Variants in PHTF1 observed in about 807,000 individuals in gnomAD.
PHTF1 encodes protein PHTF1.
A neutral mutation model predicts 102.4 loss-of-function variants in PHTF1; 88 were observed. The observed-to-expected ratio is 0.86, with a 90% CI of 0.72 to 1.03. The LOEUF is 1.03. Ranked by LOEUF, PHTF1 falls within the 50% of genes least tolerant of loss-of-function variation. The probability of loss-of-function intolerance (pLI) is 0.00; values close to 1 mark genes in which losing one functional copy is unlikely to be tolerated. For synonymous variants in PHTF1, 289 were observed against 305.2 expected, an observed-to-expected ratio of 0.95 and a Z score of 0.55; for missense variants, 814 against 909.5, an observed-to-expected ratio of 0.89 and a Z score of 1.35.
intron 7 of PHTF1, among the ~76,000 whole-genome samples, chr1:113,717,881 T>A (rs1037708470): frequency 1.3e-5 from 2 of 152,102 alleles, no homozygotes; most frequent in Non-Finnish European, 2.9e-5. Flanking sequence ...GGAGATACAA[T>A]TCAAGTTGAG....
chr1:113,697,701 C>T lies in PHTF1; in HGVS notation c.*4G>A. The T allele has an allele frequency of 6.3e-7, 1 of 1,576,576 alleles. No individual in the cohort carries two copies. The highest frequency in any genetic ancestry group is 8.7e-7 in the Non-Finnish European group (1 of 1,148,392). ...CCAGGGGAGAGTCCAGGCATTTACTCAGCTTATGATTTAATTTTCCACAGC... is the reference window on the plus strand; with the variant it reads ...CCAGGGGAGAGTCCAGGCATTTACTTAGCTTATGATTTAATTTTCCACAGC... On this transcript the variant is annotated 3_prime_UTR_variant, in exon 19 of 19. Coordinates refer to ENST00000369604, the MANE Select transcript of PHTF1 (RefSeq NM_001323043.2).
intron 7 of PHTF1, among the ~76,000 whole-genome samples, chr1:113,719,002 CTTT>C (rs879612768): frequency 6.8e-6 from 1 of 147,310 alleles, no homozygotes; most frequent in Non-Finnish European, 1.5e-5. Context: ...TTCTTTTCTT[CTTT>C]TTTTTTTTCT....
At position 113,699,749 on chromosome 1, in the gene PHTF1, A is replaced by T. The variant is rs1268425268; in HGVS notation, c.2097T>A (p.Leu699=). Residue 699 remains leucine (L), a synonymous_variant, in exon 17 of 19, where the codon CTT becomes CTA. Coordinates refer to ENST00000369604, the MANE Select transcript of PHTF1 (RefSeq NM_001323043.2). ...GCTTTAATACATTGTTTACTAGAGT[A>T]AGCTGTTCTTTCTTATTTGGCTTTT... ...MEKKPNKKEQ[L]TLVNNVLKLS... The T allele has an allele frequency of 1.6e-5, 24 of 1,472,280 alleles. No homozygotes were observed. In the Admixed American group the frequency reaches 4.3e-4, roughly 27 times the overall value. The allele number at this position is 1,472,280 out of a possible 1,614,324, so 91.2% of individuals were successfully genotyped here.
rs780722282 is a variant in PHTF1 at position 113,706,590 on chromosome 1, T to G, written c.1398+4A>C. The G allele has an allele frequency of 1.9e-6, 3 of 1,601,632 alleles. No individual in the cohort carries two copies. Among genetic ancestry groups the G allele is most frequent in the Non-Finnish European group, 2.6e-6 (3 of 1,176,368 alleles). ...GAAAAATCTGAAAACATATTCAGTCTTACCCTGCTCATGATGATGCCACTT... is the reference window on the plus strand; with the variant it reads ...GAAAAATCTGAAAACATATTCAGTCGTACCCTGCTCATGATGATGCCACTT... On this transcript the variant is annotated splice_donor_region_variant and intron_variant, in intron 12 of 18. Coordinates refer to ENST00000369604, the MANE Select transcript of PHTF1 (RefSeq NM_001323043.2).
At chr1:113,757,059 C>T (rs1658996156) in intron 3 of PHTF1, among the ~76,000 whole-genome samples, 1 of 152,090 alleles carries the variant, frequency 6.6e-6, no homozygotes. Flanking sequence ...CCCAGCTACT[C>T]TGGAGGTTGA....
chr1:113,739,600 C>T (rs1317934814), intron 3 of PHTF1, among the ~76,000 whole-genome samples: 2 of 152,228 alleles, frequency 1.3e-5, no homozygotes, highest in African/African-American at 4.8e-5. Flanking sequence ...AAAATCCACC[C>T]TGCTAGGTAT....
intron 17 of PHTF1, among the ~76,000 whole-genome samples, chr1:113,698,597 A>G (rs2101065829): frequency 6.9e-6 from 1 of 144,946 alleles, no homozygotes; most frequent in East Asian, 2.1e-4. Context: ...GCAATATGTC[A>G]TTTGTAGTTT....
chr1:113,719,640 T>C (rs1439335486), intron 7 of PHTF1, among the ~76,000 whole-genome samples: 3 of 152,206 alleles, frequency 2.0e-5, no homozygotes, highest in Admixed American at 6.5e-5. Context: ...GTCAAAGCCA[T>C]TCAACAAATC....
chr1:113,712,031 A>T lies in PHTF1; in HGVS notation c.866T>A (p.Leu289Ter). 4.3e-6 allele frequency: 7 copies of T among 1,613,890 alleles called. No homozygotes were observed. In the Middle Eastern group the frequency reaches 8.2e-4, roughly 190 times the overall value. ...EDGEARTQMILLRRSVEGASS... is the reference protein window; with the variant it reads ...EDGEARTQMI ...GGCCCCTTCCACACTCCTACGCAATAATATCATCTGTGTCCGTGCTTCACC... is the reference window on the plus strand; with the variant it reads ...GGCCCCTTCCACACTCCTACGCAATTATATCATCTGTGTCCGTGCTTCACC... Residue 289 changes from leucine (L) to a stop codon, truncating the protein, a stop_gained, in exon 9 of 19, where the codon TTA (leucine) becomes TAA (stop). Coordinates refer to ENST00000369604, the MANE Select transcript of PHTF1 (RefSeq NM_001323043.2). LOFTEE classifies it high-confidence loss of function.
chr1:113,710,721 C>T (rs926961366), intron 10 of PHTF1, among the ~76,000 whole-genome samples: 7 of 150,714 alleles, frequency 4.6e-5, no homozygotes, highest in African/African-American at 7.3e-5. Context: ...ACCTCAAACT[C>T]GGGCTCAAAT....
At chr1:113,753,723 C>CA (rs898795583) in intron 3 of PHTF1, among the ~76,000 whole-genome samples, 1 of 143,314 alleles carries the variant, frequency 7.0e-6, no homozygotes, top group African/African-American at 2.6e-5. Flanking sequence ...CGTGCCCAGC[C>CA]TTTTTTTTTT....
chr1:113,715,648 C>CAAA (rs60517410), intron 7 of PHTF1, among the ~76,000 whole-genome samples: 36 of 24,982 alleles, frequency 1.4e-3, no homozygotes, highest in East Asian at 7.2e-3. Flanking sequence ...AACCCTGTCT[C>CAAA]AAAAAAAAAA....
intron 14 of PHTF1, 25 bp downstream of exon 14, chr1:113,704,641 C>A: frequency 6.5e-7 from 1 of 1,541,884 alleles, no homozygotes; most frequent in South Asian, 1.2e-5. Context: ...TGCACATACT[C>A]TATTGTTAAT....
chr1:113,698,230 C>G, intron 18 of PHTF1, 32 bp downstream of exon 18: 1 of 1,540,752 alleles, frequency 6.5e-7, no homozygotes, highest in East Asian at 2.3e-5. Flanking sequence ...ATTTTTAAGA[C>G]TAGGATGCTA....
intron 3 of PHTF1, among the ~76,000 whole-genome samples, chr1:113,755,843 G>A (rs943279826): frequency 1.3e-5 from 2 of 151,896 alleles, no homozygotes; most frequent in African/African-American, 2.4e-5. Flanking sequence ...GGTGGATCAC[G>A]AGGTCAGGAG....
chr1:113,727,827 C>T (rs914650545), intron 5 of PHTF1, among the ~76,000 whole-genome samples: 5 of 151,956 alleles, frequency 3.3e-5, no homozygotes, highest in African/African-American at 9.7e-5. Context: ...ATTAGCCAAA[C>T]ATGGTGGCAC....
Position 113,724,897 on chromosome 1 carries a change from C to T in PHTF1, c.489-4G>A, listed in dbSNP as rs768488330. 7 of 1,566,304 alleles carry T rather than the reference C, an allele frequency of 4.5e-6. No individual in the cohort carries two copies. In the Admixed American group the frequency reaches 1.4e-4, roughly 30 times the overall value. On this transcript the variant is annotated splice_region_variant and splice_polypyrimidine_tract_variant and intron_variant, in intron 6 of 18. Transcript: ENST00000369604. The stretch of plus-strand genomic sequence containing the variant: ...ATTTACAGTTTTTCGTAATTTTCTA[C>T]AAAAAAAAATTTCAATAACTTCAGA...
chr1:113,739,319 T>C (rs77813000), intron 3 of PHTF1, among the ~76,000 whole-genome samples: 1 of 152,234 alleles, frequency 6.6e-6, no homozygotes, highest in Non-Finnish European at 1.5e-5. Flanking sequence ...CAATATACTT[T>C]ATCACTTTTT....
intron 3 of PHTF1, among the ~76,000 whole-genome samples, chr1:113,755,345 C>T (rs1260433383): frequency 6.6e-6 from 1 of 152,120 alleles, no homozygotes; most frequent in African/African-American, 2.4e-5. Context: ...GACTGTGAAA[C>T]CCATGAAGGC....
Sources: allele counts gnomAD v4.1 joint callset (sites outside exome capture counted in the v4.1 genomes callset), GRCh38; gene constraint gnomAD v4.1.1; transcripts MANE v1.5; gene names NCBI Gene and HGNC (gene_info 2026-07-23, HGNC 2026-07-21).